The following EPM2A variants were observed in gnomAD, a reference collection of about 807,000 sequenced individuals.
The protein encoded by EPM2A is EPM2A glucan phosphatase, laforin, also known as laforin.
A neutral mutation model predicts 26.5 loss-of-function variants in EPM2A; 21 were observed. The observed-to-expected ratio is 0.79, with a 90% CI of 0.56 to 1.14. The LOEUF (loss-of-function observed/expected upper bound fraction) is 1.14. EPM2A is among the 50% of genes most tolerant of loss of function. EPM2A has a pLI of 0.00. For missense variants in EPM2A, 458 were observed against 440.8 expected (o/e 1.04, Z -0.35); for synonymous variants, 217 against 177.6 (o/e 1.22, Z -1.76).
intron 4 of EPM2A, among the ~76,000 whole-genome samples, chr6:145,436,850 A>C (rs1370530982): frequency 4.0e-5 from 6 of 151,460 alleles, no homozygotes; most frequent in Non-Finnish European, 1.5e-5. Context: ...TCCTACTATA[A>C]AGTTTCTATT....
chr6:145,580,409 G>T (rs554422940), intron 2 of EPM2A, among the ~76,000 whole-genome samples: 1 of 152,120 alleles, frequency 6.6e-6, no homozygotes, highest in Non-Finnish European at 1.5e-5. Flanking sequence ...TGATACTCTT[G>T]TATTCACATT....
chr6:145,463,576 G>A (rs1779352561), intron 4 of EPM2A, among the ~76,000 whole-genome samples: 1 of 151,824 alleles, frequency 6.6e-6, no homozygotes. Context: ...TTCAATATGT[G>A]CTGGAGATCT....
At chr6:145,529,566 T>A (rs948821306) in intron 2 of EPM2A, among the ~76,000 whole-genome samples, 3 of 152,218 alleles carry the variant, frequency 2.0e-5, no homozygotes, top group African/African-American at 7.2e-5. Flanking sequence ...ATAATGCTAT[T>A]ACACATTAAT....
chr6:145,648,631 A>G (rs563872871), intron 2 of EPM2A, among the ~76,000 whole-genome samples: 1 of 152,302 alleles, frequency 6.6e-6, no homozygotes, highest in Non-Finnish European at 1.5e-5. Context: ...CCTTCAAAAT[A>G]TCTCTGCTGA....
intron 1 of EPM2A, among the ~76,000 whole-genome samples, chr6:145,696,447 A>G (rs1174084067): frequency 2.6e-5 from 4 of 152,172 alleles, no homozygotes; most frequent in South Asian, 2.1e-4. Flanking sequence ...TCCACATAAA[A>G]TAAGTGAAGT....
chr6:145,680,384 T>TTTATTTA (rs77278542), intron 2 of EPM2A, among the ~76,000 whole-genome samples: 3,718 of 142,540 alleles, frequency 0.026, 53 homozygotes, highest in African/African-American at 0.034. Flanking sequence ...TATTTATTTA[T>TTTATTTA]TTTATTTTAT....
At chr6:145,731,650 C>T (rs757742329) in intron 1 of EPM2A, among the ~76,000 whole-genome samples, 15 of 152,056 alleles carry the variant, frequency 9.9e-5, no homozygotes, top group Non-Finnish European at 1.8e-4. Flanking sequence ...GGGGAGGGAA[C>T]TTAGAGGATG....
intron 2 of EPM2A, chr6:145,640,198 C>T: frequency 6.6e-6 from 1 of 152,134 alleles, no homozygotes; most frequent in East Asian, 1.9e-4. Context: ...ACAGAATGAC[C>T]ATCCAAGCAC....
chr6:145,453,916 C>T (rs930831899), intron 4 of EPM2A, among the ~76,000 whole-genome samples: 2 of 152,136 alleles, frequency 1.3e-5, no homozygotes, highest in African/African-American at 4.8e-5. Flanking sequence ...TTTTCTTTAA[C>T]AAATGTATTC....
At chr6:145,725,398 G>A (rs1776150743) in intron 1 of EPM2A, among the ~76,000 whole-genome samples, 1 of 152,006 alleles carries the variant, frequency 6.6e-6, no homozygotes, top group Non-Finnish European at 1.5e-5. Flanking sequence ...ACAATGCTGA[G>A]TAGTCTTATC....
At chr6:145,549,317 A>G (rs1412751511) in intron 2 of EPM2A, among the ~76,000 whole-genome samples, 2 of 152,192 alleles carry the variant, frequency 1.3e-5, no homozygotes, top group African/African-American at 4.8e-5. Flanking sequence ...AAGCCTACTT[A>G]TCATTGTTAA....
At chr6:145,439,703 AT>A (rs747458002) in intron 4 of EPM2A, among the ~76,000 whole-genome samples, 1 of 152,046 alleles carries the variant, frequency 6.6e-6, no homozygotes, top group Non-Finnish European at 1.5e-5. Context: ...TTCCTTGAAG[AT>A]TTTGGATATT....
At chr6:145,399,190 TG>T (rs1778448936) in intron 4 of EPM2A, among the ~76,000 whole-genome samples, 1 of 152,142 alleles carries the variant, frequency 6.6e-6, no homozygotes, top group Non-Finnish European at 1.5e-5. Context: ...AGGTGACTCA[TG>T]GTTTAATTTA....
At chr6:145,445,207 T>C (rs1273426311) in intron 4 of EPM2A, among the ~76,000 whole-genome samples, 1 of 152,176 alleles carries the variant, frequency 6.6e-6, no homozygotes, top group East Asian at 1.9e-4. Flanking sequence ...TACACAGCCC[T>C]AGGCATGTGT....
chr6:145,403,037 C>T (rs1054501397), intron 4 of EPM2A, among the ~76,000 whole-genome samples: 1 of 152,134 alleles, frequency 6.6e-6, no homozygotes, highest in African/African-American at 2.4e-5. Context: ...TATTACACTT[C>T]AATGTTTGCC....
chr6:145,422,074 T>TAGAA (rs369003830), intron 4 of EPM2A, among the ~76,000 whole-genome samples: 134 of 132,990 alleles, frequency 1.0e-3, no homozygotes, highest in African/African-American at 3.6e-3. Flanking sequence ...TATATATATA[T>TAGAA]ATAGAGAGAG....
At chr6:145,729,215 G>A (rs992765499) in intron 1 of EPM2A, among the ~76,000 whole-genome samples, 2 of 152,226 alleles carry the variant, frequency 1.3e-5, no homozygotes, top group Non-Finnish European at 2.9e-5. Flanking sequence ...TACTAAGGCA[G>A]TGCACAGGGG....
intron 1 of EPM2A, among the ~76,000 whole-genome samples, chr6:145,690,441 C>T (rs1301659470): frequency 7.7e-5 from 11 of 143,162 alleles, no homozygotes; most frequent in African/African-American, 2.8e-4. Flanking sequence ...ACCCGGGAAG[C>T]GGAGCTTGCA....
rs958754633 is a variant in EPM2A, at chr6:145,566,041, T to C, written c.341-63466A>G. Among the ~76,000 whole-genome samples, 26 of 152,182 alleles carry C rather than the reference T, an allele frequency of 1.7e-4. 1 individual carries two copies. The highest frequency in any genetic ancestry group is 1.0e-4 in the Non-Finnish European group (7 of 68,024). ...AAAATGAATGAATGAATGAATGTAG[T>C]AGTAACTCCGTAACCCAAGTCAGCC... On this transcript the variant is annotated intron_variant, in intron 2 of 3. Transcript: ENST00000450221.
Sources: gnomAD v4.1 joint callset for allele counts (sites outside exome capture counted in the v4.1 genomes callset) on GRCh38, gnomAD v4.1.1 for gene constraint, MANE v1.5 for transcripts, NCBI Gene and HGNC (gene_info 2026-07-23, HGNC 2026-07-21) for gene names.